The following DYNC2H1 variants were observed in gnomAD, a reference collection of about 807,000 sequenced individuals.
DYNC2H1 encodes dynein cytoplasmic 2 heavy chain 1, also known as cytoplasmic dynein 2 heavy chain 1.
In DYNC2H1, 410 loss-of-function variants were observed where a neutral mutation model predicts 570.0. The observed-to-expected ratio is 0.72, with a 90% CI of 0.66 to 0.78. The LOEUF is 0.78. Ranked by LOEUF, DYNC2H1 falls within the 30% of genes least tolerant of loss-of-function variation. The pLI is 0.00. For synonymous variants in DYNC2H1, 1,688 were observed against 1,677.6 expected (o/e 1.01, Z -0.15); for missense variants, 4,865 against 5,046.4 (o/e 0.96, Z 1.09).
intron 1 of DYNC2H1, among the ~76,000 whole-genome samples, chr11:103,111,106 G>T (rs1039306010): frequency 6.6e-6 from 1 of 152,336 alleles, no homozygotes; most frequent in South Asian, 2.1e-4. Flanking sequence ...GATTACAGGT[G>T]TGTGCCACCG....
chr11:103,328,918 G>C (rs1464571847), intron 82 of DYNC2H1, among the ~76,000 whole-genome samples: 2 of 152,170 alleles, frequency 1.3e-5, no homozygotes, highest in South Asian at 4.1e-4. Flanking sequence ...TGATGGTGAG[G>C]AGGGGGAGAG....
intron 59 of DYNC2H1, among the ~76,000 whole-genome samples, chr11:103,227,825 T>C (rs940251110): frequency 1.3e-5 from 2 of 152,226 alleles, no homozygotes; most frequent in African/African-American, 4.8e-5. Context: ...ATCTCATTTC[T>C]TAGGTCTAGT....
At chr11:103,183,110 G>A (rs1861921147) in intron 40 of DYNC2H1, among the ~76,000 whole-genome samples, 1 of 151,872 alleles carries the variant, frequency 6.6e-6, no homozygotes, top group South Asian at 2.1e-4. Context: ...CAAGGACCAA[G>A]CTTATCACAC....
At position 103,289,967 on chromosome 11, in the gene DYNC2H1, G is replaced by T. The variant is rs1008169960; in HGVS notation, c.11095+2362G>T. ...TTATGAAGGCACAGATTCAAGTTGT[G>T]CAACTGCAAGCCAAGGAACACTGAA... is the stretch of plus-strand genomic sequence containing the variant. On this transcript the variant is annotated intron_variant, in intron 75 of 88. Transcript: ENST00000375735. The surrounding 1 kb of genome is among the most constrained non-coding windows in gnomAD (Gnocchi z 4.2). Among the ~76,000 whole-genome samples the T allele has an allele frequency of 2.0e-5, 3 of 151,752 alleles. No homozygotes were observed. Among genetic ancestry groups the T allele is most frequent in the Non-Finnish European group, 4.4e-5 (3 of 67,946 alleles).
intron 80 of DYNC2H1, among the ~76,000 whole-genome samples, chr11:103,318,804 A>G (rs1013325870): frequency 6.6e-6 from 1 of 152,142 alleles, no homozygotes; most frequent in African/African-American, 2.4e-5. Flanking sequence ...AACTGAACCT[A>G]TGTAACTTGC....
At chr11:103,121,564 T>C in intron 10 of DYNC2H1, 68 bp downstream of exon 10, 1 of 1,515,286 alleles carries the variant, frequency 6.6e-7, no homozygotes, top group Non-Finnish European at 9.0e-7. Flanking sequence ...ATGTAGAAGG[T>C]ACTCTAGAGC....
At chr11:103,427,996 A>T (rs1366377178) in intron 84 of DYNC2H1, among the ~76,000 whole-genome samples, 1 of 151,360 alleles carries the variant, frequency 6.6e-6, no homozygotes, top group Non-Finnish European at 1.5e-5. Flanking sequence ...ACGGAAATAT[A>T]TATATAAGTA....
chr11:103,311,766 C>G, intron 78 of DYNC2H1, 112 bp from the exon 79 acceptor site: 1 of 1,025,704 alleles, frequency 9.7e-7, no homozygotes, highest in South Asian at 1.7e-5. Context: ...TTAACTCAAA[C>G]CCGGTAAGCA....
chr11:103,384,921 C>A (rs998662275), intron 83 of DYNC2H1, among the ~76,000 whole-genome samples: 1 of 151,948 alleles, frequency 6.6e-6, no homozygotes, highest in African/African-American at 2.4e-5. Flanking sequence ...TCTGAAAATG[C>A]CTTTAATTTG....
intron 82 of DYNC2H1, among the ~76,000 whole-genome samples, chr11:103,350,839 C>G (rs1444398759): frequency 6.6e-6 from 1 of 152,078 alleles, no homozygotes; most frequent in African/African-American, 2.4e-5. Flanking sequence ...AGGCCCCGAA[C>G]CCCTATGACC....
chr11:103,172,986 T>C, intron 34 of DYNC2H1, 96 bp from the exon 35 acceptor site: 1 of 615,308 alleles, frequency 1.6e-6, no homozygotes, highest in Non-Finnish European at 2.2e-6. Context: ...GCAGCATATT[T>C]TATGTTTATA....
chr11:103,328,325 A>G (rs1286939283), intron 82 of DYNC2H1, among the ~76,000 whole-genome samples: 3 of 152,112 alleles, frequency 2.0e-5, no homozygotes, highest in Non-Finnish European at 4.4e-5. Context: ...CAATCATTTT[A>G]ACGTTTTATT....
At chr11:103,193,717 A>T (rs1391111177) in intron 47 of DYNC2H1, among the ~76,000 whole-genome samples, 2 of 146,316 alleles carry the variant, frequency 1.4e-5, no homozygotes, top group East Asian at 4.0e-4. Flanking sequence ...CTAATTTTGT[A>T]TTTTTTTTTT....
At chr11:103,383,730 T>G (rs1941762774) in intron 83 of DYNC2H1, among the ~76,000 whole-genome samples, 1 of 152,040 alleles carries the variant, frequency 6.6e-6, no homozygotes, top group Non-Finnish European at 1.5e-5. Flanking sequence ...CGCCTCAGCC[T>G]CCCAAAGTGC....
chr11:103,124,331 G>A (rs1188391478), intron 11 of DYNC2H1, among the ~76,000 whole-genome samples: 1 of 150,250 alleles, frequency 6.7e-6, no homozygotes, highest in Non-Finnish European at 1.5e-5. Context: ...TGTTGTCCCA[G>A]TTACTCAGGA....
chr11:103,109,914 T>G, intron 1 of DYNC2H1, 145 bp downstream of exon 1: 1 of 839,948 alleles, frequency 1.2e-6, no homozygotes, highest in Non-Finnish European at 1.8e-6. Flanking sequence ...TCCTGCATTA[T>G]TGGCTTAGAT....
chr11:103,349,065 C>T (rs2671354), intron 82 of DYNC2H1, among the ~76,000 whole-genome samples: 73,015 of 152,052 alleles, frequency 0.48, 19,422 homozygotes, highest in Admixed American at 0.59. Context: ...TACCCAGTCT[C>T]GGGTATTTCT....
At chr11:103,383,849 G>C (rs757521698) in intron 83 of DYNC2H1, among the ~76,000 whole-genome samples, 4 of 152,056 alleles carry the variant, frequency 2.6e-5, no homozygotes, top group Non-Finnish European at 4.4e-5. Flanking sequence ...CCCACAGCTT[G>C]ATAGGCATGT....
In DYNC2H1 at chr11:103,391,373, C is replaced by T. The variant is rs188302557; in HGVS notation, c.12157-8290C>T. ...GAGGTCATTTAAGGACTTCTCTACA[C>T]TGGTTATTTTAGTTAGCCATTCATC... On this transcript the variant is annotated intron_variant, in intron 83 of 88. Coordinates refer to ENST00000375735, the MANE Select transcript of DYNC2H1 (RefSeq NM_001377.3). Among the ~76,000 whole-genome samples, 7 of 152,298 alleles carry T rather than the reference C, an allele frequency of 4.6e-5. No individual in the cohort carries two copies. The East Asian group carries it at 1.4e-3, about 29-fold the overall frequency.
Sources: allele counts gnomAD v4.1 joint callset (sites outside exome capture counted in the v4.1 genomes callset), GRCh38; gene constraint gnomAD v4.1.1; non-coding constraint Gnocchi (gnomAD v3.1); transcripts MANE v1.5; gene names NCBI Gene and HGNC (gene_info 2026-07-23, HGNC 2026-07-21).